Variants in CTNNA2 observed in about 807,000 individuals in gnomAD.
The protein encoded by CTNNA2 is catenin alpha-2.
Under a neutral mutation model 101.0 loss-of-function variants are expected in CTNNA2, and 42 were observed. The observed-to-expected ratio is 0.42, with a 90% CI of 0.32 to 0.54. CTNNA2 has a LOEUF of 0.54. CTNNA2 is among the 20% of genes least tolerant of loss of function. The pLI is 0.14. For synonymous variants in CTNNA2, 450 were observed against 456.4 expected (o/e 0.99, Z 0.18); for missense variants, 871 against 1,223.1 (o/e 0.71, Z 4.29).
At chr2:79,253,599 T>C (rs1319390644) in intron 2 of CTNNA2, among the ~76,000 whole-genome samples, 3 of 152,114 alleles carry the variant, frequency 2.0e-5, no homozygotes, top group Non-Finnish European at 4.4e-5. Context: ...GGCCTGATAA[T>C]GGACATTGGT....
At chr2:79,404,734 A>G (rs2104484190) in intron 4 of CTNNA2, among the ~76,000 whole-genome samples, 1 of 152,122 alleles carries the variant, frequency 6.6e-6, no homozygotes, top group South Asian at 2.1e-4. Context: ...GGAATCTGAT[A>G]ATCTAGTGGA....
chr2:80,511,978 C>T (rs535972140), intron 9 of CTNNA2, among the ~76,000 whole-genome samples: 4 of 151,576 alleles, frequency 2.6e-5, no homozygotes, highest in East Asian at 3.9e-4. Flanking sequence ...TGGTGAACCC[C>T]GTCTCTACTA....
chr2:80,479,115 G>A (rs1685952303), intron 9 of CTNNA2, among the ~76,000 whole-genome samples: 1 of 151,778 alleles, frequency 6.6e-6, no homozygotes, highest in South Asian at 2.1e-4. Flanking sequence ...ATATTCCTAA[G>A]TAAAAACACA....
intron 9 of CTNNA2, among the ~76,000 whole-genome samples, chr2:80,448,303 A>G (rs974317471): frequency 6.6e-6 from 1 of 152,258 alleles, no homozygotes; most frequent in African/African-American, 2.4e-5. Flanking sequence ...ATGCTTAGCA[A>G]TAAGGGTGAA....
rs750030738 is a variant in CTNNA2, at chr2:79,874,189, C to T, written c.699C>T (p.Val233=). ...ASQAFLRHPD[V]AATRANRDYV... ...AAGCATTTCTCCGCCACCCAGATGT[C>T]GCCGCTACGAGAGCCAACCGAGATT... Residue 233 remains valine, a synonymous_variant, in exon 6 of 19, where the codon GTC becomes GTT. Transcript: ENST00000402739. 31 of 1,614,126 alleles carry T rather than the reference C, an allele frequency of 1.9e-5. No individual in the cohort carries two copies. The South Asian group carries it at 3.2e-4, about 17-fold the overall frequency.
intron 2 of CTNNA2, among the ~76,000 whole-genome samples, chr2:79,702,147 T>C (rs1313900677): frequency 6.6e-6 from 1 of 151,324 alleles, no homozygotes; most frequent in African/African-American, 2.4e-5. Flanking sequence ...GATGACTGAG[T>C]GAGTCGGGGG....
intron 18 of CTNNA2, among the ~76,000 whole-genome samples, chr2:80,644,127 G>A (rs1673798146): frequency 6.6e-6 from 1 of 152,068 alleles, no homozygotes; most frequent in South Asian, 2.1e-4. Context: ...AGTGGGCCTT[G>A]GAGAGAGATA....
intron 3 of CTNNA2, among the ~76,000 whole-genome samples, chr2:79,774,207 G>A (rs1441697482): frequency 6.6e-6 from 1 of 152,192 alleles, no homozygotes. Flanking sequence ...AGAGAAGAAG[G>A]CATGAAGACC....
chr2:79,463,633 G>A (rs1486291621), intron 4 of CTNNA2, among the ~76,000 whole-genome samples: 2 of 152,130 alleles, frequency 1.3e-5, no homozygotes, highest in Non-Finnish European at 2.9e-5. Context: ...TAGAAAAATA[G>A]TGTGAAAACT....
At chr2:79,778,549 CAT>C (rs1674168693) in intron 3 of CTNNA2, among the ~76,000 whole-genome samples, 1 of 151,964 alleles carries the variant, frequency 6.6e-6, no homozygotes, top group Admixed American at 6.5e-5. Context: ...TATATGCAGT[CAT>C]ATATATACAC....
chr2:79,779,851 C>T (rs1361281656), intron 3 of CTNNA2, among the ~76,000 whole-genome samples: 2 of 152,106 alleles, frequency 1.3e-5, no homozygotes, highest in Non-Finnish European at 2.9e-5. Flanking sequence ...CCTCCTGGTC[C>T]AGGGCATTCC....
intron 9 of CTNNA2, among the ~76,000 whole-genome samples, chr2:80,484,868 A>C (rs182581871): frequency 4.6e-5 from 7 of 152,016 alleles, no homozygotes; most frequent in East Asian, 3.9e-4. Context: ...TAGCCGGGCA[A>C]GGTGGTGGGC....
chr2:80,524,329 T>C (rs1222014969), intron 9 of CTNNA2, among the ~76,000 whole-genome samples: 1 of 152,172 alleles, frequency 6.6e-6, no homozygotes, highest in Non-Finnish European at 1.5e-5. Flanking sequence ...CTTGAATATA[T>C]AATAGTGGGT....
At chr2:80,539,568 A>T (rs938570659) in intron 9 of CTNNA2, among the ~76,000 whole-genome samples, 1 of 152,088 alleles carries the variant, frequency 6.6e-6, no homozygotes, top group Admixed American at 6.5e-5. Flanking sequence ...CTGTAATCCT[A>T]AAGTTTTTGG....
chr2:80,252,299 A>G (rs963168428), intron 7 of CTNNA2, among the ~76,000 whole-genome samples: 1 of 152,162 alleles, frequency 6.6e-6, no homozygotes, highest in Admixed American at 6.6e-5. Flanking sequence ...AGGGCTTAGA[A>G]TTAAGAAGAT....
intron 7 of CTNNA2, among the ~76,000 whole-genome samples, chr2:79,913,441 C>T (rs1239660226): frequency 6.6e-6 from 1 of 152,066 alleles, no homozygotes; most frequent in Non-Finnish European, 1.5e-5. Context: ...AGGCATCAGT[C>T]GGTGCAGGGT....
At chr2:80,433,830 G>A (rs1241733265) in intron 9 of CTNNA2, among the ~76,000 whole-genome samples, 1 of 152,104 alleles carries the variant, frequency 6.6e-6, no homozygotes, top group Non-Finnish European at 1.5e-5. Context: ...ACAAATATAG[G>A]TTATATTATT....
At chr2:79,229,331 G>A (rs1380845632) in intron 2 of CTNNA2, among the ~76,000 whole-genome samples, 1 of 152,142 alleles carries the variant, frequency 6.6e-6, no homozygotes, top group Non-Finnish European at 1.5e-5. Flanking sequence ...CCCAGTGGGA[G>A]GTAATTGAAT....
chr2:79,530,169 T>C (rs890170465), intron 1 of CTNNA2, among the ~76,000 whole-genome samples: 2 of 152,196 alleles, frequency 1.3e-5, no homozygotes, highest in African/African-American at 4.8e-5. Context: ...CTGCATTCTT[T>C]ATTTTACTAC....
Sources: gnomAD v4.1 joint callset for allele counts (sites outside exome capture counted in the v4.1 genomes callset) on GRCh38, gnomAD v4.1.1 for gene constraint, MANE v1.5 for transcripts, NCBI Gene and HGNC (gene_info 2026-07-23, HGNC 2026-07-21) for gene names.